Variants in VCAN observed in about 807,000 individuals in gnomAD.
VCAN encodes the protein versican.
In VCAN, 44 loss-of-function variants were observed where a neutral mutation model predicts 245.5. That is an observed-to-expected ratio of 0.18 (90% CI 0.14 to 0.23). The LOEUF is 0.23. Ranked by LOEUF, VCAN falls within the 10% of genes least tolerant of loss-of-function variation. The pLI is 1.00. For synonymous variants in VCAN, 1,413 were observed against 1,437.0 expected, an observed-to-expected ratio of 0.98 and a Z score of 0.38; for missense variants, 3,793 against 4,057.9, an observed-to-expected ratio of 0.93 and a Z score of 1.77.
chr5:83,559,273 C>G (rs1187122725), intron 12 of VCAN, among the ~76,000 whole-genome samples: 1 of 152,134 alleles, frequency 6.6e-6, no homozygotes, highest in African/African-American at 2.4e-5. Flanking sequence ...AATGACTAGT[C>G]AGAGTGTTTT....
At chr5:83,525,570 C>A (rs1230687776) in intron 7 of VCAN, among the ~76,000 whole-genome samples, 9 of 152,078 alleles carry the variant, frequency 5.9e-5, no homozygotes, top group Admixed American at 5.9e-4. Context: ...TTAGTTATAA[C>A]CTTAAAATAG....
At chr5:83,491,464 T>A (rs1744976070) in intron 3 of VCAN, among the ~76,000 whole-genome samples, 1 of 152,198 alleles carries the variant, frequency 6.6e-6, no homozygotes, top group African/African-American at 2.4e-5. Flanking sequence ...TTCCATTGCT[T>A]CCTTCTATAA....
intron 13 of VCAN, among the ~76,000 whole-genome samples, chr5:83,576,146 T>C (rs543530045): frequency 2.4e-4 from 37 of 152,246 alleles, no homozygotes; most frequent in African/African-American, 8.7e-4. Context: ...CATGTATCTG[T>C]GGAGTATCCT....
At chr5:83,552,423 G>A (rs923374520) in intron 10 of VCAN, among the ~76,000 whole-genome samples, 3 of 152,146 alleles carry the variant, frequency 2.0e-5, no homozygotes, top group Admixed American at 6.5e-5. Context: ...ATTGTGGGGT[G>A]TATTTTGTGA....
At chr5:83,579,338 A>C (rs1185217452) in intron 13 of VCAN, among the ~76,000 whole-genome samples, 2 of 152,162 alleles carry the variant, frequency 1.3e-5, no homozygotes, top group African/African-American at 4.8e-5. Context: ...ATCTCGGCTC[A>C]CTGCAACCTC....
chr5:83,537,464 T>C lies in VCAN; in HGVS notation c.4461T>C (p.Pro1487=), dbSNP rs762086676. 83 of 1,613,862 alleles carry C rather than the reference T, an allele frequency of 5.1e-5. No homozygotes were observed. The highest frequency in any genetic ancestry group is 6.7e-5 in the Non-Finnish European group (79 of 1,179,962). ...TTACATGGAAGCCTGAGACTTACCC[T>C]GAAACATCAGAACATTTTTCAGGTG... ...LEVTWKPETY[P]ETSEHFSGGE... The change falls in exon 8 of 15, where the codon CCT becomes CCC. Residue 1487 remains proline, a synonymous_variant. Coordinates refer to ENST00000265077, the MANE Select transcript of VCAN (RefSeq NM_004385.5).
intron 11 of VCAN, among the ~76,000 whole-genome samples, chr5:83,554,263 A>G (rs977490380): frequency 2.6e-5 from 4 of 152,214 alleles, no homozygotes; most frequent in African/African-American, 9.6e-5. Flanking sequence ...TCTGCTTCCC[A>G]AAGTGCTGGG....
intron 7 of VCAN, among the ~76,000 whole-genome samples, chr5:83,527,113 G>C (rs1297513862): frequency 6.6e-6 from 1 of 152,202 alleles, no homozygotes; most frequent in Non-Finnish European, 1.5e-5. Context: ...ATTCCTGAAA[G>C]AGCAAACTCT....
Position 83,545,630 on chromosome 5 carries a change from G to T in VCAN, c.9359G>T (p.Ser3120Ile). Residue 3120 changes from serine to isoleucine, a missense_variant, in exon 9 of 15, where the codon AGC (serine) becomes ATC (isoleucine). Ser to Ile is a moderately radical substitution (Grantham distance 142, BLOSUM62 -2). Coordinates refer to ENST00000265077, the MANE Select transcript of VCAN (RefSeq NM_004385.5). The part of the protein sequence containing the change: ...SYVCTCVPGY[S>I]GDQCELDFDE... ...GTATGCACCTGTGTGCCAGGATACA[G>T]CGGAGACCAGTGTGAACTTGGTAAG... The T allele has an allele frequency of 1.2e-6, 2 of 1,614,110 alleles. No homozygotes were observed. The highest frequency in any genetic ancestry group is 1.7e-6 in the Non-Finnish European group (2 of 1,179,950).
rs199657845 is a variant in VCAN at position 83,579,711 on chromosome 5, T to TC, written c.9881-267dup. Among the ~76,000 whole-genome samples the TC allele has an allele frequency of 8.0e-3, 1,213 of 152,274 alleles. 13 individuals are homozygous for TC. Among genetic ancestry groups the TC allele is most frequent in the African/African-American group, 0.028 (1,145 of 41,550 alleles). On this transcript the variant is annotated intron_variant, in intron 13 of 14. Transcript: ENST00000265077. ...GAAATTTTGTCAGAATAGTGGCCCTTCCAGAGGGGTAGATGAATGTATGAC... is the reference window on the plus strand; with the variant it reads ...GAAATTTTGTCAGAATAGTGGCCCTTCCCAGAGGGGTAGATGAATGTATGAC...
chr5:83,539,393 A>G lies in VCAN; in HGVS notation c.6390A>G (p.Gln2130=), dbSNP rs376421576. Residue 2130 remains glutamine (Q), a synonymous_variant, in exon 8 of 15, where the codon CAA becomes CAG. Transcript: ENST00000265077. ...IQEEKSFESP[Q]NSPATEQTIF... ...AAGAAAAGTCATTTGAATCCCCTCAAAACTCTCCTGCAACAGAACAAACAA... is the reference window on the plus strand; with the variant it reads ...AAGAAAAGTCATTTGAATCCCCTCAGAACTCTCCTGCAACAGAACAAACAA... The G allele has an allele frequency of 2.5e-6, 4 of 1,614,108 alleles. No homozygotes were observed. In the African/African-American group the frequency reaches 5.3e-5, roughly 22 times the overall value.
In VCAN at chr5:83,539,945, C is replaced by A; in HGVS notation, c.6942C>A (p.Leu2314=). 1 of 1,614,082 alleles carries A rather than the reference C, an allele frequency of 6.2e-7. No homozygotes were observed. Among genetic ancestry groups the A allele is most frequent in the Non-Finnish European group, 8.5e-7 (1 of 1,180,006 alleles). Residue 2314 remains leucine, a synonymous_variant, in exon 8 of 15, where the codon CTC becomes CTA. Coordinates refer to ENST00000265077, the MANE Select transcript of VCAN (RefSeq NM_004385.5). Reference sequence around the variant, plus strand: ...ATGTGGCAAAAGAAGTTGGACCACTCGTATCTCAAACAGACATCTTTGAAG... The same window carrying A: ...ATGTGGCAAAAGAAGTTGGACCACTAGTATCTCAAACAGACATCTTTGAAG... The part of the protein sequence containing the change: ...MENVAKEVGP[L]VSQTDIFEGS...
chr5:83,578,839 A>G (rs928217666), intron 13 of VCAN, among the ~76,000 whole-genome samples: 1 of 152,180 alleles, frequency 6.6e-6, no homozygotes, highest in Non-Finnish European at 1.5e-5. Flanking sequence ...ATAGGTAAAT[A>G]TAATAATTTA....
Position 83,512,382 on chromosome 5 carries a change from C to T in VCAN, c.1028C>T (p.Ala343Val). The change falls in exon 6 of 15, where the codon GCC becomes GTC. Residue 343 changes from alanine (A) to valine (V), a missense_variant. Around this residue, in one of 5 missense-constraint regions of VCAN, gnomAD observed 190 missense variants for 288.6 expected, o/e 0.66. Transcript: ENST00000265077. Reference sequence around the variant, plus strand: ...CCTCCCCCTGATAGCAGATTTGATGCCTACTGCTTTAAACGTAAGTGTTTG... The same window carrying T: ...CCTCCCCCTGATAGCAGATTTGATGTCTACTGCTTTAAACGTAAGTGTTTG... ...GFPPPDSRFD[A>V]YCFKPKEATT... The T allele has an allele frequency of 1.2e-6, 2 of 1,612,196 alleles. No individual in the cohort carries two copies. The highest frequency in any genetic ancestry group is 1.7e-6 in the Non-Finnish European group (2 of 1,178,592).
At chr5:83,519,276 A>C in intron 6 of VCAN, 73 bp from the exon 7 acceptor site, 1 of 1,510,846 alleles carries the variant, frequency 6.6e-7, no homozygotes, top group Admixed American at 1.7e-5. Flanking sequence ...ACTCAGGAGC[A>C]CTTAACAAAC....
At chr5:83,566,257 G>A (rs1748075147) in intron 12 of VCAN, among the ~76,000 whole-genome samples, 1 of 151,956 alleles carries the variant, frequency 6.6e-6, no homozygotes, top group Non-Finnish European at 1.5e-5. Context: ...CACCACACCT[G>A]GCCCTGAAAA....
intron 12 of VCAN, among the ~76,000 whole-genome samples, chr5:83,562,552 A>T (rs775574088): frequency 1.3e-5 from 2 of 152,202 alleles, no homozygotes; most frequent in Non-Finnish European, 2.9e-5. Flanking sequence ...GTGCAGTAGC[A>T]TCTCACAGAT....
intron 12 of VCAN, among the ~76,000 whole-genome samples, chr5:83,564,712 G>A (rs1748008909): frequency 6.6e-6 from 1 of 150,586 alleles, no homozygotes; most frequent in Non-Finnish European, 1.5e-5. Context: ...AACTAAATTA[G>A]CAATGTTTGG....
rs1210535398 is a variant in VCAN at position 83,541,318 on chromosome 5, C to T, written c.8315C>T (p.Ala2772Val). Residue 2772 changes from alanine to valine, a missense_variant, in exon 8 of 15, where the codon GCA (alanine) becomes GTA (valine). Physicochemically the swap from Ala to Val is moderately conservative, Grantham distance 64 (BLOSUM62 0). This residue lies in a region of VCAN where 3,182 missense variants were observed against 3,250.3 expected (regional missense o/e 0.98). Coordinates refer to ENST00000265077, the MANE Select transcript of VCAN (RefSeq NM_004385.5). ...QPEFSSGAEE[A>V]LVDHTPYLSI... ...GAATTCTCTTCAGGAGCTGAGGAGG[C>T]ATTAGTAGACCATACTCCCTATCTA... The T allele has an allele frequency of 1.2e-6, 2 of 1,613,932 alleles. No homozygotes were observed. Among genetic ancestry groups the T allele is most frequent in the Non-Finnish European group, 1.7e-6 (2 of 1,179,994 alleles).
Sources: allele counts gnomAD v4.1 joint callset (sites outside exome capture counted in the v4.1 genomes callset), GRCh38; gene constraint gnomAD v4.1.1; regional missense constraint gnomAD v4.1.1; transcripts MANE v1.5; gene names NCBI Gene and HGNC (gene_info 2026-07-23, HGNC 2026-07-21).